Variants in GRM5 observed in about 807,000 individuals in gnomAD.
GRM5 encodes the protein metabotropic glutamate receptor 5.
GRM5 carries 19 observed loss-of-function variants against 83.1 expected under a neutral mutation model. That is an observed-to-expected ratio of 0.23 (90% CI 0.16 to 0.34). The LOEUF (loss-of-function observed/expected upper bound fraction) is 0.34. GRM5 is among the 10% of genes least tolerant of loss of function. The pLI is 1.00. For missense variants in GRM5, 1,160 were observed against 1,588.3 expected, an observed-to-expected ratio of 0.73 and a Z score of 4.58; for synonymous variants, 675 against 633.6, an observed-to-expected ratio of 1.07 and a Z score of -0.98.
chr11:88,692,061 C>A (rs1245800704), intron 3 of GRM5, among the ~76,000 whole-genome samples: 1 of 152,146 alleles, frequency 6.6e-6, no homozygotes, highest in Non-Finnish European at 1.5e-5. Context: ...GGAAGCTGCA[C>A]ACCATTTTCT....
intron 7 of GRM5, among the ~76,000 whole-genome samples, chr11:88,573,222 T>A (rs1419229170): frequency 6.6e-6 from 1 of 152,178 alleles, no homozygotes; most frequent in Non-Finnish European, 1.5e-5. Flanking sequence ...CTGCCAAAAC[T>A]ATATTGTCCA....
At chr11:88,774,542 A>G (rs936787494) in intron 3 of GRM5, among the ~76,000 whole-genome samples, 3 of 152,210 alleles carry the variant, frequency 2.0e-5, no homozygotes, top group Non-Finnish European at 4.4e-5. Flanking sequence ...TTCAAAGGGA[A>G]TGCTTACAGT....
At chr11:88,955,462 A>G (rs1247783257) in intron 2 of GRM5, among the ~76,000 whole-genome samples, 1 of 152,264 alleles carries the variant, frequency 6.6e-6, no homozygotes, top group Non-Finnish European at 1.5e-5. Context: ...GAAGGCACAG[A>G]TAATAAAACT....
At chr11:88,980,663 A>C (rs376117769) in intron 2 of GRM5, among the ~76,000 whole-genome samples, 2 of 152,002 alleles carry the variant, frequency 1.3e-5, no homozygotes, top group African/African-American at 4.8e-5. Context: ...TCTACTAAAA[A>C]ACACAAAAAG....
At chr11:88,917,587 C>A (rs968759209) in intron 2 of GRM5, among the ~76,000 whole-genome samples, 3 of 151,988 alleles carry the variant, frequency 2.0e-5, no homozygotes, top group African/African-American at 7.2e-5. Flanking sequence ...AAATTCAGGA[C>A]ATTACAGAGA....
intron 8 of GRM5, among the ~76,000 whole-genome samples, chr11:88,564,842 C>A (rs1942838566): frequency 6.6e-6 from 1 of 150,998 alleles, no homozygotes; most frequent in African/African-American, 2.4e-5. Context: ...AAGAGCTGGA[C>A]AACATGAAGA....
At chr11:89,034,414 T>C (rs1333678456) in intron 2 of GRM5, among the ~76,000 whole-genome samples, 1 of 151,928 alleles carries the variant, frequency 6.6e-6, no homozygotes, top group Non-Finnish European at 1.5e-5. Context: ...TCCATACATA[T>C]TCTATTCATC....
At chr11:88,745,230 C>G (rs1374409530) in intron 3 of GRM5, among the ~76,000 whole-genome samples, 1 of 110,342 alleles carries the variant, frequency 9.1e-6, no homozygotes, top group Non-Finnish European at 1.8e-5. Flanking sequence ...GAATCTTGTT[C>G]TGTTCTATCA....
intron 2 of GRM5, among the ~76,000 whole-genome samples, chr11:88,927,519 A>G (rs1414777413): frequency 6.6e-6 from 1 of 152,148 alleles, no homozygotes; most frequent in Non-Finnish European, 1.5e-5. Context: ...TTCTACCACA[A>G]AAGATAGCAT....
At chr11:88,809,202 G>A (rs12288221) in intron 3 of GRM5, among the ~76,000 whole-genome samples, 3,879 of 152,068 alleles carry the variant, frequency 0.026, 173 homozygotes, top group African/African-American at 0.089. Context: ...TAATCTCATC[G>A]TGGAGAGAGG....
At chr11:88,636,707 A>T (rs1233297893) in intron 4 of GRM5, among the ~76,000 whole-genome samples, 1 of 152,214 alleles carries the variant, frequency 6.6e-6, no homozygotes, top group Admixed American at 6.5e-5. Context: ...TATAATTTTT[A>T]AATGTGTTAT....
intron 3 of GRM5, among the ~76,000 whole-genome samples, chr11:88,804,020 A>C (rs1454890028): frequency 1.3e-5 from 2 of 151,406 alleles, no homozygotes; most frequent in Admixed American, 6.6e-5. Context: ...GGCAATCATT[A>C]AAAAGTCAGG....
chr11:88,798,541 G>A (rs1943325416), intron 3 of GRM5, among the ~76,000 whole-genome samples: 1 of 152,140 alleles, frequency 6.6e-6, no homozygotes, highest in South Asian at 2.1e-4. Flanking sequence ...ATCAAGGCAG[G>A]ACAAAGAGCA....
chr11:88,919,993 T>G (rs192326796), intron 2 of GRM5, among the ~76,000 whole-genome samples: 12 of 151,484 alleles, frequency 7.9e-5, no homozygotes, highest in South Asian at 2.1e-4. Context: ...CTTAAATAAC[T>G]AGAAAAATAA....
At chr11:88,957,334 A>G (rs1382564135) in intron 2 of GRM5, among the ~76,000 whole-genome samples, 1 of 152,228 alleles carries the variant, frequency 6.6e-6, no homozygotes, top group Admixed American at 6.5e-5. Flanking sequence ...GATCTCATAA[A>G]CATTCAGAAG....
At chr11:88,830,973 G>A (rs1164860412) in intron 3 of GRM5, among the ~76,000 whole-genome samples, 1 of 151,980 alleles carries the variant, frequency 6.6e-6, no homozygotes, top group Non-Finnish European at 1.5e-5. Flanking sequence ...AGCATCATGA[G>A]AACAGCATGG....
At chr11:88,725,059 C>A (rs559162529) in intron 3 of GRM5, among the ~76,000 whole-genome samples, 1 of 152,232 alleles carries the variant, frequency 6.6e-6, no homozygotes, top group East Asian at 1.9e-4. Flanking sequence ...CCATTCACTC[C>A]CCTGGAAAGG....
intron 2 of GRM5, among the ~76,000 whole-genome samples, chr11:88,975,166 G>A (rs1939293061): frequency 6.6e-6 from 1 of 152,118 alleles, no homozygotes; most frequent in African/African-American, 2.4e-5. Context: ...TAAAGCTTGT[G>A]AATAGATAAA....
At chr11:88,703,051 T>A (rs1276571974) in intron 3 of GRM5, among the ~76,000 whole-genome samples, 2 of 151,286 alleles carry the variant, frequency 1.3e-5, no homozygotes, top group Admixed American at 6.6e-5. Context: ...AATATCTTGT[T>A]TGACTTAATT....
Sources: allele counts gnomAD v4.1 joint callset (sites outside exome capture counted in the v4.1 genomes callset), GRCh38; gene constraint gnomAD v4.1.1; transcripts MANE v1.5; gene names NCBI Gene and HGNC (gene_info 2026-07-23, HGNC 2026-07-21).